CTNNAL1: variants seen among roughly 807,000 people sequenced by gnomAD.
CTNNAL1 encodes catenin alpha like 1.
In CTNNAL1, 69 loss-of-function variants were observed where a neutral mutation model predicts 93.6. The observed-to-expected ratio is 0.74, with a 90% CI of 0.61 to 0.90. The LOEUF (loss-of-function observed/expected upper bound fraction) is 0.90, where lower values mean the gene tolerates loss of function less well. CTNNAL1 is among the 40% of genes least tolerant of loss of function. CTNNAL1 has a pLI of 0.00. For synonymous variants in CTNNAL1, 286 were observed against 305.4 expected (o/e 0.94, Z 0.66); for missense variants, 836 against 862.0 (o/e 0.97, Z 0.38).
intron 15 of CTNNAL1, among the ~76,000 whole-genome samples, chr9:108,946,544 T>C (rs184563897): frequency 1.1e-4 from 16 of 152,336 alleles, no homozygotes; most frequent in Middle Eastern, 3.4e-3. Flanking sequence ...AGAGGTCTTT[T>C]CTGACCACCC....
chr9:108,956,443 G>A (rs1211089074), intron 11 of CTNNAL1, among the ~76,000 whole-genome samples: 2 of 152,206 alleles, frequency 1.3e-5, no homozygotes, highest in Admixed American at 6.5e-5. Context: ...TCCAGGTCAT[G>A]TATACAGTCA....
chr9:109,007,471 T>G, intron 1 of CTNNAL1, among the ~76,000 whole-genome samples: 1 of 152,166 alleles, frequency 6.6e-6, no homozygotes. Flanking sequence ...AAAAGACTAG[T>G]GGGCAGTAGA....
intron 6 of CTNNAL1, 60 bp downstream of exon 6, chr9:108,983,085 T>A: frequency 8.0e-7 from 1 of 1,245,498 alleles, no homozygotes; most frequent in Non-Finnish European, 1.0e-6. Context: ...CTCAAAAAAT[T>A]AAAATAAAAT....
In CTNNAL1 at chr9:108,990,784, A is replaced by G; in HGVS notation, c.581T>C (p.Phe194Ser). 1.2e-6 allele frequency: 2 copies of G among 1,613,752 alleles called. No individual in the cohort carries two copies. Among genetic ancestry groups the G allele is most frequent in the Non-Finnish European group, 1.7e-6 (2 of 1,179,880 alleles). Residue 194 changes from phenylalanine to serine, a missense_variant, in exon 4 of 19, where the codon TTC becomes TCC. Phe to Ser is a radical substitution (Grantham distance 155). Transcript: ENST00000325551. The part of the protein sequence containing the change: ...VNSFQEFVQI[F>S]SQFGNEMVEF... ...CACCATTTCATTTCCAAATTGACTG[A>G]ATATTTGGACAAACTCTTGAAAGCT...
In CTNNAL1 at chr9:108,955,829, T is replaced by C; in HGVS notation, c.1592-2A>G. 3 of 1,595,378 alleles carry C rather than the reference T, an allele frequency of 1.9e-6. No homozygotes were observed. Among genetic ancestry groups the C allele is most frequent in the Non-Finnish European group, 2.6e-6 (3 of 1,170,562 alleles). ...GTGAAAGGTAGCCATACTTCTCTCC[T>C]ACAAATAACACATATAACTTAAAAA... is the stretch of plus-strand genomic sequence containing the variant. On this transcript the variant is annotated splice_acceptor_variant, in intron 11 of 18. Transcript: ENST00000325551. LOFTEE classifies it high-confidence loss of function.
At chr9:108,982,987 A>G (rs1263336054) in intron 6 of CTNNAL1, among the ~76,000 whole-genome samples, 158 bp downstream of exon 6, 5 of 152,222 alleles carry the variant, frequency 3.3e-5, no homozygotes, top group African/African-American at 7.2e-5. Flanking sequence ...ATGAAGCACA[A>G]GAATCGCTTG....
rs1334201981 is a variant in CTNNAL1 at position 108,992,767 on chromosome 9, A to G, written c.384T>C (p.Ser128=). Residue 128 remains serine, a synonymous_variant, in exon 3 of 19, where the codon TCT becomes TCC. Transcript: ENST00000325551. ...TDITNLNHLE[S]DGQITIFTDK... is the part of the protein sequence containing the mutation. ...CTGTAAAAATTGTGATCTGCCCATC[A>G]GATTCCAGATGGTTCAAGTTGGTTA... 1.9e-6 allele frequency: 3 copies of G among 1,613,900 alleles called. No individual in the cohort carries two copies. Among genetic ancestry groups the G allele is most frequent in the Non-Finnish European group, 2.5e-6 (3 of 1,179,934 alleles).
chr9:108,951,206 C>T (rs1472875632), intron 14 of CTNNAL1, among the ~76,000 whole-genome samples: 15 of 150,520 alleles, frequency 1.0e-4, no homozygotes, highest in Non-Finnish European at 2.1e-4. Context: ...AAGTAGACAC[C>T]GGGTTTCAGT....
intron 10 of CTNNAL1, 104 bp downstream of exon 10, chr9:108,970,298 T>C: frequency 2.1e-6 from 2 of 949,982 alleles, no homozygotes; most frequent in Non-Finnish European, 2.9e-6. Flanking sequence ...CTATGTATAT[T>C]TGGACTCTAG....
Position 108,952,545 on chromosome 9 carries a change from G to C in CTNNAL1, c.1630-51C>G, listed in dbSNP as rs754572519. The C allele has an allele frequency of 1.9e-6, 3 of 1,601,248 alleles. No individual in the cohort carries two copies. The African/African-American group carries it at 4.0e-5, about 21-fold the overall frequency. Reference sequence around the variant, plus strand: ...ATCTTAAAAAGCAGTACATTAAACTGTAAGGAAATACAATAGTAATACAAA... The same window carrying C: ...ATCTTAAAAAGCAGTACATTAAACTCTAAGGAAATACAATAGTAATACAAA... On this transcript the variant is annotated intron_variant, in intron 12 of 18. Transcript: ENST00000325551.
intron 7 of CTNNAL1, among the ~76,000 whole-genome samples, chr9:108,979,025 T>C (rs28361134): frequency 7.2e-5 from 11 of 152,194 alleles, no homozygotes; most frequent in African/African-American, 2.4e-4. Context: ...CAGTGTGAAC[T>C]AGTGATAGTG....
chr9:108,959,975 A>C (rs571673375), intron 11 of CTNNAL1, among the ~76,000 whole-genome samples: 4 of 152,352 alleles, frequency 2.6e-5, no homozygotes, highest in African/African-American at 9.6e-5. Context: ...TATATCTACA[A>C]AATAAATCGA....
chr9:108,952,478 A>C lies in CTNNAL1; in HGVS notation c.1646T>G (p.Leu549Arg). ...LPKPMKNNAN[L>R]KSLKPDKPDS... ...AGGCTTGTCTGGCTTTAATGATTTC[A>C]GGTTTGCATTATTCTTCTGTGACAA... Residue 549 changes from leucine (L) to arginine (R), a missense_variant, in exon 13 of 19, where the codon CTG becomes CGG. Transcript: ENST00000325551. 1 of 1,614,188 alleles carries C rather than the reference A, an allele frequency of 6.2e-7. No homozygotes were observed. The highest frequency in any genetic ancestry group is 8.5e-7 in the Non-Finnish European group (1 of 1,180,036).
chr9:109,007,990 T>C (rs1338580577), intron 1 of CTNNAL1, among the ~76,000 whole-genome samples: 2 of 152,110 alleles, frequency 1.3e-5, no homozygotes, highest in Admixed American at 6.5e-5. Context: ...TTCATCCCCA[T>C]TGATAATTAT....
chr9:108,958,003 T>C (rs562379645), intron 11 of CTNNAL1, among the ~76,000 whole-genome samples: 113 of 150,296 alleles, frequency 7.5e-4, no homozygotes, highest in South Asian at 2.7e-3. Context: ...CTGTAGTCTG[T>C]TCTTTTTTCT....
rs1431732644 is a variant in CTNNAL1 at position 108,944,865 on chromosome 9, T to TGGATAAAA, written c.1885-848_1885-847insTTTTATCC. Among the ~76,000 whole-genome samples, 13 of 152,320 alleles carry TGGATAAAA rather than the reference T, an allele frequency of 8.5e-5. No homozygotes were observed. The East Asian group carries it at 2.5e-3, about 29-fold the overall frequency. Reference sequence around the variant, plus strand: ...CCCTCTATTCAAAAGGCTTAACACCTTGCTATCACTGGATAAAATGATCTC... The same window carrying TGGATAAAA: ...CCCTCTATTCAAAAGGCTTAACACCTGGATAAAATGCTATCACTGGATAAAATGATCTC... On this transcript the variant is annotated intron_variant, in intron 15 of 18. Transcript: ENST00000325551.
intron 14 of CTNNAL1, among the ~76,000 whole-genome samples, 181 bp downstream of exon 14, chr9:108,952,028 A>G (rs1315367832): frequency 6.6e-6 from 1 of 152,226 alleles, no homozygotes; most frequent in Non-Finnish European, 1.5e-5. Flanking sequence ...CTAAATCCTA[A>G]TTAAATACAT....
intron 12 of CTNNAL1, among the ~76,000 whole-genome samples, chr9:108,954,920 C>T (rs1310369760): frequency 6.6e-6 from 1 of 152,078 alleles, no homozygotes; most frequent in Non-Finnish European, 1.5e-5. Context: ...TACTCACCAT[C>T]TGTTGTTCTT....
intron 1 of CTNNAL1, among the ~76,000 whole-genome samples, chr9:109,003,973 A>G (rs1026698894): frequency 6.6e-6 from 1 of 152,218 alleles, no homozygotes; most frequent in African/African-American, 2.4e-5. Context: ...CCTTGAGTAC[A>G]GGCTGAACTT....
Sources: allele counts gnomAD v4.1 joint callset (sites outside exome capture counted in the v4.1 genomes callset), GRCh38; gene constraint gnomAD v4.1.1; transcripts MANE v1.5; gene names NCBI Gene and HGNC (gene_info 2026-07-23, HGNC 2026-07-21).